RUNX1: variants seen among roughly 807,000 people sequenced by gnomAD.
The protein encoded by RUNX1 is RUNX family transcription factor 1.
RUNX1 carries 19 observed loss-of-function variants against 42.8 expected under a neutral mutation model. That is an observed-to-expected ratio of 0.44 (90% CI 0.31 to 0.65). The LOEUF (loss-of-function observed/expected upper bound fraction) is 0.65, where lower values mean the gene tolerates loss of function less well. RUNX1 is among the 30% of genes least tolerant of loss of function. The pLI, the probability that RUNX1 is intolerant of heterozygous loss-of-function variation, is 0.07. For synonymous variants in RUNX1, 271 were observed against 289.4 expected (o/e 0.94, Z 0.64); for missense variants, 528 against 672.0 (o/e 0.79, Z 2.37).
intron 8 of RUNX1, among the ~76,000 whole-genome samples, chr21:34,796,716 T>C (rs2056532997): frequency 6.6e-6 from 1 of 152,192 alleles, no homozygotes; most frequent in African/African-American, 2.4e-5. Flanking sequence ...GAGCAGGTAA[T>C]GGCTGCCTTA....
intron 2 of RUNX1, among the ~76,000 whole-genome samples, chr21:35,036,106 G>A (rs1417878736): frequency 2.0e-5 from 3 of 152,110 alleles, no homozygotes; most frequent in Admixed American, 1.3e-4. Flanking sequence ...GTGGGCCACC[G>A]AGCCCTGGCG....
At chr21:34,862,732 C>G (rs921252149) in intron 5 of RUNX1, among the ~76,000 whole-genome samples, 1 of 152,198 alleles carries the variant, frequency 6.6e-6, no homozygotes, top group Admixed American at 6.5e-5. Context: ...ATGACTTTAT[C>G]TCGATTACAC....
chr21:35,011,316 G>T (rs980085437), intron 2 of RUNX1, among the ~76,000 whole-genome samples: 1 of 152,086 alleles, frequency 6.6e-6, no homozygotes, highest in Non-Finnish European at 1.5e-5. Flanking sequence ...CATGACAATT[G>T]ATCCAGGCAA....
At chr21:34,894,542 T>C (rs2058113196) in intron 2 of RUNX1, among the ~76,000 whole-genome samples, 1 of 152,028 alleles carries the variant, frequency 6.6e-6, no homozygotes, top group Admixed American at 6.6e-5. Context: ...GTAGCACCTG[T>C]GGAGGTTTGA....
At chr21:34,956,488 C>T (rs2058645048) in intron 2 of RUNX1, among the ~76,000 whole-genome samples, 1 of 152,190 alleles carries the variant, frequency 6.6e-6, no homozygotes, top group Non-Finnish European at 1.5e-5. Context: ...ACTTTTATGT[C>T]TGCAGCTCCA....
chr21:34,956,505 TACA>T (rs2058645211), intron 2 of RUNX1, among the ~76,000 whole-genome samples: 1 of 152,182 alleles, frequency 6.6e-6, no homozygotes, highest in African/African-American at 2.4e-5. Context: ...TCCATAGAGA[TACA>T]ACCACTGAAA....
intron 2 of RUNX1, among the ~76,000 whole-genome samples, chr21:35,047,592 C>CA (rs1555837432): frequency 6.7e-6 from 1 of 149,904 alleles, no homozygotes; most frequent in Non-Finnish European, 1.5e-5. Context: ...CTCTCTCTCT[C>CA]TCTCTCATCA....
intron 2 of RUNX1, among the ~76,000 whole-genome samples, chr21:35,019,714 C>G (rs1029780143): frequency 6.6e-6 from 1 of 152,070 alleles, no homozygotes; most frequent in South Asian, 2.1e-4. Context: ...GGGAAGGGAT[C>G]GACAACCACA....
intron 5 of RUNX1, among the ~76,000 whole-genome samples, chr21:34,865,274 T>TTGTGCGTG (rs1555895655): frequency 7.8e-6 from 1 of 128,106 alleles, no homozygotes; most frequent in East Asian, 2.2e-4. Flanking sequence ...AGGAGGGGTT[T>TTGTGCGTG]TGTGCGTGTG....
At chr21:34,974,368 C>T (rs145704218) in intron 2 of RUNX1, among the ~76,000 whole-genome samples, 8 of 150,416 alleles carry the variant, frequency 5.3e-5, no homozygotes, top group South Asian at 2.1e-4. Flanking sequence ...GCAAGCTTTG[C>T]ATGAAACCCC....
At chr21:34,810,720 C>G (rs997420990) in intron 7 of RUNX1, among the ~76,000 whole-genome samples, 1 of 152,168 alleles carries the variant, frequency 6.6e-6, no homozygotes, top group African/African-American at 2.4e-5. Context: ...AAATGTGCCC[C>G]TCTGCCCGAT....
intron 2 of RUNX1, among the ~76,000 whole-genome samples, chr21:34,947,746 G>A (rs1328678052): frequency 2.0e-5 from 3 of 152,082 alleles, no homozygotes; most frequent in East Asian, 1.9e-4. Flanking sequence ...TCAGAGGTCC[G>A]CCACAGTCTG....
chr21:34,993,518 CACACACACAT>C (rs2146839682), intron 2 of RUNX1, among the ~76,000 whole-genome samples: 1 of 149,258 alleles, frequency 6.7e-6, no homozygotes, highest in African/African-American at 2.5e-5. Flanking sequence ...CACACACACA[CACACACACAT>C]ACATACAGGC....
intron 2 of RUNX1, among the ~76,000 whole-genome samples, chr21:34,972,886 C>T (rs2058773164): frequency 6.6e-6 from 1 of 152,206 alleles, no homozygotes; most frequent in African/African-American, 2.4e-5. Context: ...TCTCCCTCAA[C>T]ATCTTGCTCT....
intron 2 of RUNX1, among the ~76,000 whole-genome samples, chr21:34,958,034 A>T (rs1351742682): frequency 6.6e-6 from 1 of 152,160 alleles, no homozygotes; most frequent in Admixed American, 6.5e-5. Flanking sequence ...AACTCCTTCT[A>T]GTTCATCTTT....
At chr21:34,918,127 CAAAAAAAAAA>C (rs71324335) in intron 2 of RUNX1, among the ~76,000 whole-genome samples, 1 of 71,262 alleles carries the variant, frequency 1.4e-5, no homozygotes, top group African/African-American at 6.0e-5. Context: ...GACTCTGTCT[CAAAAAAAAAA>C]AAAAAAAAAA....
intron 6 of RUNX1, among the ~76,000 whole-genome samples, chr21:34,850,083 C>A (rs1335195802): frequency 6.6e-6 from 1 of 151,942 alleles, no homozygotes; most frequent in Admixed American, 6.6e-5. Context: ...AGAAATTTTT[C>A]AAAATGAAAA....
At position 34,789,509 on chromosome 21, in the gene RUNX1, T is replaced by C. The variant is rs77550657; in HGVS notation, c.*2626A>G. ...TTACATGATTGGCTTAAGGGTCTCA[T>C]TGATACCTTAACTTTCCTGAGGGCA... On this transcript the variant is annotated 3_prime_UTR_variant, in exon 9 of 9. Coordinates refer to ENST00000675419, the MANE Select transcript of RUNX1 (RefSeq NM_001754.5). The C allele has an allele frequency of 2.5e-3, 589 of 233,678 alleles. 3 individuals carry two copies. The highest frequency in any genetic ancestry group is 0.011 in the African/African-American group (516 of 45,428). The allele number at this position is 233,678 out of a possible 1,614,324, so 14.5% of individuals were successfully genotyped here.
At chr21:34,974,439 A>C (rs1455420177) in intron 2 of RUNX1, among the ~76,000 whole-genome samples, 1 of 151,900 alleles carries the variant, frequency 6.6e-6, no homozygotes, top group Non-Finnish European at 1.5e-5. Flanking sequence ...TTTACTCAAA[A>C]CCAGGTGAAG....
Sources: gnomAD v4.1 joint callset for allele counts (sites outside exome capture counted in the v4.1 genomes callset) on GRCh38, gnomAD v4.1.1 for gene constraint, MANE v1.5 for transcripts, NCBI Gene and HGNC (gene_info 2026-07-23, HGNC 2026-07-21) for gene names.